The following TPTE variants were observed in gnomAD, a reference collection of about 807,000 sequenced individuals.
The protein encoded by TPTE is transmembrane phosphatase with tensin homology.
In TPTE, 59 loss-of-function variants were observed where a neutral mutation model predicts 84.1. That is an observed-to-expected ratio of 0.70 (90% confidence interval 0.57 to 0.87). The LOEUF (loss-of-function observed/expected upper bound fraction) is 0.87, where lower values mean the gene tolerates loss of function less well. Ranked by LOEUF, TPTE falls within the 40% of genes least tolerant of loss-of-function variation. TPTE has a pLI of 0.00. For synonymous variants in TPTE, 130 were observed against 223.5 expected, an observed-to-expected ratio of 0.58 and a Z score of 3.73; for missense variants, 382 against 659.6, an observed-to-expected ratio of 0.58 and a Z score of 4.61.
At chr21:10,571,034 G>A (rs2075032452) in intron 14 of TPTE, among the ~76,000 whole-genome samples, 1 of 152,246 alleles carries the variant, frequency 6.6e-6, no homozygotes, top group Non-Finnish European at 1.5e-5. Flanking sequence ...GCCACCATTT[G>A]CCTCATGCAC....
intron 17 of TPTE, among the ~76,000 whole-genome samples, chr21:10,590,133 G>A (rs1240078250): frequency 1.5e-4 from 23 of 152,362 alleles, no homozygotes; most frequent in African/African-American, 5.5e-4. Context: ...AAATGAGTTG[G>A]GAATTTTTCT....
intron 8 of TPTE, among the ~76,000 whole-genome samples, chr21:10,557,842 T>G (rs534119864): frequency 1.0e-4 from 16 of 152,420 alleles, no homozygotes; most frequent in African/African-American, 3.6e-4. Context: ...TTACATATTA[T>G]TTCATCATCC....
intron 10 of TPTE, among the ~76,000 whole-genome samples, chr21:10,565,380 T>A (rs2074899997): frequency 6.6e-6 from 1 of 152,308 alleles, no homozygotes; most frequent in Non-Finnish European, 1.5e-5. Flanking sequence ...TGGAAGGAGA[T>A]TCCATGTTCA....
At chr21:10,528,480 A>G (rs2074120104) in intron 3 of TPTE, among the ~76,000 whole-genome samples, 1 of 152,308 alleles carries the variant, frequency 6.6e-6, no homozygotes, top group South Asian at 2.1e-4. Context: ...TTTAGATTCA[A>G]GGAATTTTGT....
chr21:10,560,335 TTTGAA>T (rs2074772443), intron 9 of TPTE, among the ~76,000 whole-genome samples: 1 of 152,308 alleles, frequency 6.6e-6, no homozygotes, highest in African/African-American at 2.4e-5. Context: ...ATTGTTTCCT[TTTGAA>T]TTAATAATAT....
chr21:10,574,606 T>A lies in TPTE; in HGVS notation c.796-2854T>A, dbSNP rs368152641. Among the ~76,000 whole-genome samples the A allele has an allele frequency of 5.9e-5, 9 of 152,294 alleles. No homozygotes were observed. In the East Asian group the frequency reaches 7.7e-4, roughly 13 times the overall value. ...AACTGAGATAACCAGGTTCTCACAT[T>A]GGGACTGACTGGATGAACAGGTCGA... On this transcript the variant is annotated intron_variant, in intron 14 of 23. Coordinates refer to ENST00000618007, the MANE Select transcript of TPTE (RefSeq NM_199261.4).
intron 17 of TPTE, among the ~76,000 whole-genome samples, chr21:10,586,161 G>C (rs546435699): frequency 6.6e-6 from 1 of 152,298 alleles, no homozygotes; most frequent in African/African-American, 2.4e-5. Flanking sequence ...ATAATTCTTA[G>C]AGTGTCAACC....
chr21:10,521,676 A>C lies in TPTE; in HGVS notation c.-229A>C, dbSNP rs1197456727. 1 of 152,098 alleles carries C rather than the reference A, an allele frequency of 6.6e-6. No individual in the cohort carries two copies. Among genetic ancestry groups the C allele is most frequent in the East Asian group, 2.0e-4 (1 of 5,092 alleles). 9.4% of individuals were successfully genotyped at this position (152,098 alleles called of 1,614,324 possible). On this transcript the variant is annotated 5_prime_UTR_variant, in exon 1 of 24. Coordinates refer to ENST00000618007, the MANE Select transcript of TPTE (RefSeq NM_199261.4). ...GGCTCTAGGGACCCCCGGCGCCTAC[A>C]CTTAGCTCCGCGCCCGAGGTGAGCC...
At chr21:10,558,877 C>T (rs1207509249) in intron 8 of TPTE, among the ~76,000 whole-genome samples, 4 of 152,298 alleles carry the variant, frequency 2.6e-5, no homozygotes, top group Admixed American at 2.6e-4. Flanking sequence ...ATTGGAGGCT[C>T]CATCAAACAG....
chr21:10,542,530 C>CCCAT (rs3049906), intron 6 of TPTE, 82 bp downstream of exon 6: 131,810 of 1,293,394 alleles, frequency 0.1, 221 homozygotes, highest in South Asian at 0.16. Flanking sequence ...GCAAGTATAC[C>CCCAT]CCATCCATCC....
At chr21:10,581,721 A>G (rs2075274688) in intron 17 of TPTE, among the ~76,000 whole-genome samples, 1 of 152,308 alleles carries the variant, frequency 6.6e-6, no homozygotes, top group African/African-American at 2.4e-5. Flanking sequence ...ATTTTGTTGT[A>G]CAAAAGTTTG....
chr21:10,561,874 GGGCCT>G (rs2074812475), intron 10 of TPTE, among the ~76,000 whole-genome samples: 1 of 152,310 alleles, frequency 6.6e-6, no homozygotes, highest in African/African-American at 2.4e-5. Context: ...TAGAGCCCCA[GGGCCT>G]TCAGTAAACT....
At chr21:10,524,149 A>T (rs1204170096) in intron 1 of TPTE, among the ~76,000 whole-genome samples, 1 of 152,422 alleles carries the variant, frequency 6.6e-6, no homozygotes, top group Non-Finnish European at 1.5e-5. Context: ...GGAGGTAAAG[A>T]CCTAGAGGTG....
intron 9 of TPTE, among the ~76,000 whole-genome samples, chr21:10,560,236 A>C (rs970261215): frequency 3.9e-5 from 6 of 152,310 alleles, no homozygotes; most frequent in African/African-American, 1.4e-4. Context: ...TACATCAGGA[A>C]TTACTCTTTA....
intron 7 of TPTE, among the ~76,000 whole-genome samples, chr21:10,545,932 A>G (rs2074459219): frequency 6.6e-6 from 1 of 151,942 alleles, no homozygotes; most frequent in Admixed American, 6.6e-5. Flanking sequence ...ATATATATGT[A>G]AACATATATG....
intron 7 of TPTE, among the ~76,000 whole-genome samples, chr21:10,547,908 C>T (rs1166204879): frequency 2.0e-5 from 3 of 152,310 alleles, no homozygotes; most frequent in African/African-American, 7.2e-5. Flanking sequence ...ACTACATGCC[C>T]TCTCCCAAGT....
At chr21:10,549,538 T>G (rs554297980) in intron 7 of TPTE, among the ~76,000 whole-genome samples, 16 of 152,404 alleles carry the variant, frequency 1.0e-4, no homozygotes, top group African/African-American at 3.8e-4. Flanking sequence ...GCTAAACAGT[T>G]CAATGGATGA....
intron 3 of TPTE, among the ~76,000 whole-genome samples, chr21:10,537,365 G>T (rs1420825374): frequency 3.3e-5 from 5 of 152,310 alleles, no homozygotes; most frequent in African/African-American, 1.2e-4. Flanking sequence ...GAATGGAGCT[G>T]TCAGTGAACT....
In TPTE at chr21:10,541,217, A is replaced by G. The variant is rs1253237959; in HGVS notation, c.65+52A>G. ...CCAGGTGCAATGGTTCACACCTGTA[A>G]TCTGAGCACTTTGGGAGGCTGAAGC... On this transcript the variant is annotated intron_variant, in intron 5 of 23. Coordinates refer to ENST00000618007, the MANE Select transcript of TPTE (RefSeq NM_199261.4). The G allele has an allele frequency of 1.2e-5, 19 of 1,607,666 alleles. No individual in the cohort carries two copies. In the East Asian group the frequency reaches 4.2e-4, roughly 36 times the overall value.
Sources: gnomAD v4.1 joint callset for allele counts (sites outside exome capture counted in the v4.1 genomes callset) on GRCh38, gnomAD v4.1.1 for gene constraint, MANE v1.5 for transcripts, NCBI Gene and HGNC (gene_info 2026-07-23, HGNC 2026-07-21) for gene names.